The following SLC45A4 variants were observed in gnomAD, a reference collection of about 807,000 sequenced individuals.
SLC45A4 encodes the protein polyamine-transporter SLC45A4.
In SLC45A4, 32 loss-of-function variants were observed where a neutral mutation model predicts 63.7. That is an observed-to-expected ratio of 0.50 (90% CI 0.38 to 0.67). The LOEUF (loss-of-function observed/expected upper bound fraction) is 0.67. Ranked by LOEUF, SLC45A4 falls within the 30% of genes least tolerant of loss-of-function variation. The pLI is 0.00. For missense variants in SLC45A4, 1,027 were observed against 1,157.7 expected, an observed-to-expected ratio of 0.89 and a Z score of 1.64; for synonymous variants, 535 against 510.0, an observed-to-expected ratio of 1.05 and a Z score of -0.66.
At chr8:141,228,216 C>T in intron 2 of SLC45A4, 3 of 1,614,112 alleles carry the variant, frequency 1.9e-6, no homozygotes, top group African/African-American at 1.3e-5. Flanking sequence ...TCAGTGGACT[C>T]ACAAGGGTCT....
rs2154614725 is a variant in SLC45A4 at position 141,256,447 on chromosome 8, C to T, written c.-400-1818G>A. 2.3e-6 allele frequency: 1 copy of T among 429,604 alleles called. No homozygotes were observed. The highest frequency in any genetic ancestry group is 4.7e-6 in the Non-Finnish European group (1 of 210,550). 26.6% of individuals were successfully genotyped at this position (429,604 alleles called of 1,614,324 possible). Reference sequence around the variant, plus strand: ...CTCCTCTCTTTCTCCCCAGAGGAGACCAGAAACCTCGAGGTGCTGTCTTCA... The same window carrying T: ...CTCCTCTCTTTCTCCCCAGAGGAGATCAGAAACCTCGAGGTGCTGTCTTCA... On this transcript the variant is annotated intron_variant, in intron 1 of 8. Coordinates refer to ENST00000517878, the MANE Select transcript of SLC45A4 (RefSeq NM_001286646.2). This position sits in a 1 kb window ranked among gnomAD's most constrained non-coding sequence, Gnocchi z 4.3.
Position 141,218,830 on chromosome 8 carries a change from G to A in SLC45A4, c.810C>T (p.Gly270=), listed in dbSNP as rs754000138. The A allele has an allele frequency of 9.3e-6, 15 of 1,613,098 alleles. No homozygotes were observed. Among genetic ancestry groups the A allele is most frequent in the Admixed American group, 6.7e-5 (4 of 60,016 alleles). ...PQQERSAEEP[G]ALDGGEPHGV... is the part of the protein sequence containing the mutation. ...CGTGCGGCTCGCCCCCATCCAGGGC[G>A]CCGGGCTCCTCAGCGCTGCGCTCCT... Residue 270 remains glycine (G), a synonymous_variant, in exon 5 of 9, where the codon GGC becomes GGT. Transcript: ENST00000517878.
At chr8:141,225,093 G>A (rs7000424) in intron 2 of SLC45A4, 9 of 152,092 alleles carry the variant, frequency 5.9e-5, no homozygotes, top group African/African-American at 1.9e-4. Context: ...GTGTAGTTAC[G>A]CACACCCATC....
In SLC45A4 at chr8:141,254,727, G is replaced by C. The variant is rs535635176; in HGVS notation, c.-400-98C>G. On this transcript the variant is annotated intron_variant, in intron 1 of 8. Coordinates refer to ENST00000517878, the MANE Select transcript of SLC45A4 (RefSeq NM_001286646.2). The surrounding 1 kb of genome is among the most constrained non-coding windows in gnomAD (Gnocchi z 4.5). ...GACCCCCGAGCAAGCCGTGTGCCCC[G>C]AGGGCCCGACCCAAGATCACACAGC... 4 of 685,970 alleles carry C rather than the reference G, an allele frequency of 5.8e-6. No homozygotes were observed. Among genetic ancestry groups the C allele is most frequent in the African/African-American group, 3.5e-5 (2 of 57,048 alleles). 42.5% of individuals were successfully genotyped at this position (685,970 alleles called of 1,614,324 possible). A position where few individuals can be genotyped will look rare whatever the true frequency, so the allele number is the denominator to read the frequency against.
chr8:141,285,301 T>C (rs887766796), intron 1 of SLC45A4, among the ~76,000 whole-genome samples: 3 of 152,240 alleles, frequency 2.0e-5, no homozygotes, highest in African/African-American at 7.2e-5. Context: ...CTTCCTTCAC[T>C]GCCGTGGCTG....
chr8:141,257,389 C>T (rs1222752172), intron 1 of SLC45A4, among the ~76,000 whole-genome samples: 1 of 152,206 alleles, frequency 6.6e-6, no homozygotes, highest in African/African-American at 2.4e-5. Context: ...GAAGAAGTAA[C>T]ACCCAGACAT....
chr8:141,227,474 G>GA lies in SLC45A4; in HGVS notation c.242-5710dup, dbSNP rs1827082544. 6.6e-6 allele frequency among the ~76,000 whole-genome samples: 1 copy of GA among 152,232 alleles called. No homozygotes were observed. The highest frequency in any genetic ancestry group is 2.4e-5 in the African/African-American group (1 of 41,470). ...CTGGGACCAAATGCCACAGTGCGGC[G>GA]AAACTCGTGAGCACAAGTCCTGCGT... On this transcript the variant is annotated intron_variant, in intron 2 of 8. Transcript: ENST00000517878. The surrounding 1 kb of genome is among the most constrained non-coding windows in gnomAD (Gnocchi z 4.4).
intron 5 of SLC45A4, 38 bp from the exon 6 acceptor site, chr8:141,217,227 T>C: frequency 6.3e-7 from 1 of 1,587,108 alleles, no homozygotes; most frequent in Non-Finnish European, 8.6e-7. Flanking sequence ...CGAGGGCATC[T>C]GCTGGGCCCT....
At chr8:141,236,211 A>T (rs1827620888) in intron 2 of SLC45A4, among the ~76,000 whole-genome samples, 1 of 152,176 alleles carries the variant, frequency 6.6e-6, no homozygotes, top group African/African-American at 2.4e-5. Context: ...CTAACACCAA[A>T]GCCCAGGCAC....
chr8:141,253,455 C>T (rs1334497107), intron 2 of SLC45A4, among the ~76,000 whole-genome samples: 1 of 152,256 alleles, frequency 6.6e-6, no homozygotes, highest in African/African-American at 2.4e-5. Flanking sequence ...TCAACAGCAA[C>T]AATGATAAGA....
At position 141,242,359 on chromosome 8, in the gene SLC45A4, T is replaced by C. The variant is rs147095845; in HGVS notation, c.241+11630A>G. 4.6e-5 allele frequency among the ~76,000 whole-genome samples: 7 copies of C among 152,348 alleles called. No homozygotes were observed. In the East Asian group the frequency reaches 1.3e-3, roughly 29 times the overall value. ...AAATTTCTTAAACCTAGGTATCTAA[T>C]AGGCCAGGCCCAAGTGACTTCCACA... On this transcript the variant is annotated intron_variant, in intron 2 of 8. Coordinates refer to ENST00000517878, the MANE Select transcript of SLC45A4 (RefSeq NM_001286646.2).
intron 2 of SLC45A4, among the ~76,000 whole-genome samples, chr8:141,250,991 T>C (rs960369904): frequency 2.6e-5 from 4 of 152,194 alleles, no homozygotes; most frequent in Admixed American, 1.3e-4. Context: ...ACAATACACA[T>C]CATCTGCCAT....
chr8:141,276,845 C>T (rs1398042722), intron 1 of SLC45A4, among the ~76,000 whole-genome samples: 1 of 152,266 alleles, frequency 6.6e-6, no homozygotes, highest in Non-Finnish European at 1.5e-5. Context: ...GAGGCCCAGA[C>T]AGCGCTGGGC....
At chr8:141,242,796 T>A (rs1388335207) in intron 2 of SLC45A4, among the ~76,000 whole-genome samples, 1 of 151,810 alleles carries the variant, frequency 6.6e-6, no homozygotes, top group African/African-American at 2.4e-5. Flanking sequence ...AGGCCACACG[T>A]TGGGGGAGCC....
intron 1 of SLC45A4, among the ~76,000 whole-genome samples, chr8:141,286,413 G>A (rs947393531): frequency 6.6e-6 from 1 of 152,164 alleles, no homozygotes; most frequent in Admixed American, 6.5e-5. Flanking sequence ...CCAGGTAAGC[G>A]CAGAAGCCTG....
At chr8:141,263,006 C>T (rs978410170) in intron 1 of SLC45A4, among the ~76,000 whole-genome samples, 1 of 151,564 alleles carries the variant, frequency 6.6e-6, no homozygotes, top group African/African-American at 2.4e-5. Flanking sequence ...AAATGTGGCA[C>T]ATATACACCA....
intron 2 of SLC45A4, among the ~76,000 whole-genome samples, chr8:141,234,725 C>T (rs1028863592): frequency 6.6e-6 from 1 of 152,162 alleles, no homozygotes; most frequent in African/African-American, 2.4e-5. Context: ...AGGTGACCTC[C>T]CTGATAACTA....
intron 2 of SLC45A4, among the ~76,000 whole-genome samples, chr8:141,250,509 C>A (rs916432758): frequency 6.6e-6 from 1 of 152,070 alleles, no homozygotes; most frequent in African/African-American, 2.4e-5. Flanking sequence ...CCTCAGCCTC[C>A]CAAATAGCTG....
chr8:141,211,901 C>T (rs1440375357), intron 8 of SLC45A4: 4 of 1,246,346 alleles, frequency 3.2e-6, no homozygotes, highest in East Asian at 6.1e-5. Context: ...AATACACCTG[C>T]AGAATAAAAG....
Sources: allele counts gnomAD v4.1 joint callset (sites outside exome capture counted in the v4.1 genomes callset), GRCh38; gene constraint gnomAD v4.1.1; non-coding constraint Gnocchi (gnomAD v3.1); transcripts MANE v1.5; gene names NCBI Gene and HGNC (gene_info 2026-07-23, HGNC 2026-07-21).